Variants in PDSS2 observed in about 807,000 individuals in gnomAD.
PDSS2 encodes all trans-polyprenyl-diphosphate synthase PDSS2.
A neutral mutation model predicts 44.5 loss-of-function variants in PDSS2; 31 were observed. The observed-to-expected ratio is 0.70, with a 90% CI of 0.52 to 0.94. The LOEUF is 0.94. Among genes scored for constraint, PDSS2 ranks in the 40% least tolerant of loss-of-function variants. The pLI is 0.00. For synonymous variants in PDSS2, 157 were observed against 180.3 expected (o/e 0.87, Z 1.03); for missense variants, 452 against 482.2 (o/e 0.94, Z 0.59).
At position 107,252,799 on chromosome 6, in the gene PDSS2, G is replaced by A. The variant is rs140129946; in HGVS notation, c.631-7180C>T. On this transcript the variant is annotated intron_variant, in intron 3 of 7. Coordinates refer to ENST00000369037, the MANE Select transcript of PDSS2 (RefSeq NM_020381.4). ...GAATGAAAGTTCTATTTTTAAAATC[G>A]CAACTGATACAACTTGAAAGAAATA... 5.9e-5 allele frequency among the ~76,000 whole-genome samples: 9 copies of A among 152,152 alleles called. No individual in the cohort carries two copies. The East Asian group carries it at 1.4e-3, about 23-fold the overall frequency.
intron 1 of PDSS2, among the ~76,000 whole-genome samples, chr6:107,335,222 C>T (rs1777848448): frequency 2.0e-5 from 3 of 150,996 alleles, no homozygotes; most frequent in Non-Finnish European, 4.4e-5. Flanking sequence ...CATTTGCTCT[C>T]TCCTCTTTCT....
At chr6:107,304,360 A>AT (rs1776790042) in intron 2 of PDSS2, among the ~76,000 whole-genome samples, 2 of 152,214 alleles carry the variant, frequency 1.3e-5, no homozygotes. Context: ...ACTTTTTGTC[A>AT]TTTCTGCATA....
chr6:107,186,586 C>T (rs1258401032), intron 7 of PDSS2, among the ~76,000 whole-genome samples: 1 of 152,268 alleles, frequency 6.6e-6, no homozygotes, highest in Non-Finnish European at 1.5e-5. Context: ...TATTGACCCG[C>T]TCTCTAAGTT....
intron 1 of PDSS2, among the ~76,000 whole-genome samples, chr6:107,407,494 G>C (rs895486071): frequency 6.6e-6 from 1 of 152,140 alleles, no homozygotes; most frequent in Non-Finnish European, 1.5e-5. Context: ...CAGAGTTTTG[G>C]AGGTATGAGG....
At chr6:107,159,399 T>A (rs1180330867) in intron 7 of PDSS2, among the ~76,000 whole-genome samples, 5 of 146,102 alleles carry the variant, frequency 3.4e-5, no homozygotes, top group African/African-American at 1.3e-4. Context: ...GCAAGCAAGC[T>A]ACCCTATTTT....
In PDSS2 at chr6:107,428,792, A is replaced by T. The variant is rs183580607; in HGVS notation, c.296+30198T>A. On this transcript the variant is annotated intron_variant, in intron 1 of 7. Coordinates refer to ENST00000369037, the MANE Select transcript of PDSS2 (RefSeq NM_020381.4). ...TCTGAGGCTGTTGTGAGCTGTGACTACGCTACAGCACTCCAACCTGGGCAA... is the reference window on the plus strand; with the variant it reads ...TCTGAGGCTGTTGTGAGCTGTGACTTCGCTACAGCACTCCAACCTGGGCAA... Among the ~76,000 whole-genome samples, 333 of 152,232 alleles carry T rather than the reference A, an allele frequency of 2.2e-3. 2 individuals are homozygous for T. The highest frequency in any genetic ancestry group is 7.8e-3 in the African/African-American group (323 of 41,534).
chr6:107,230,104 C>A, intron 4 of PDSS2: 1 of 160,282 alleles, frequency 6.2e-6, no homozygotes, highest in South Asian at 1.6e-4. Context: ...TGAAGTCAGT[C>A]AGGGAGACTG....
chr6:107,228,058 A>G (rs1773895206), intron 4 of PDSS2, among the ~76,000 whole-genome samples: 1 of 152,184 alleles, frequency 6.6e-6, no homozygotes, highest in South Asian at 2.1e-4. Flanking sequence ...CATGCCTAAT[A>G]GTGATGTTTT....
chr6:107,384,112 C>T (rs1224955847), intron 1 of PDSS2, among the ~76,000 whole-genome samples: 1 of 152,054 alleles, frequency 6.6e-6, no homozygotes, highest in Admixed American at 6.6e-5. Context: ...ACAACATAGA[C>T]GAACCCTGAA....
At chr6:107,316,192 GTTATTCTTC>G in intron 2 of PDSS2, among the ~76,000 whole-genome samples, 1 of 152,140 alleles carries the variant, frequency 6.6e-6, no homozygotes, top group African/African-American at 2.4e-5. Flanking sequence ...ATTTCTGTTG[GTTATTCTTC>G]TTAATCTTTA....
Position 107,192,216 on chromosome 6 carries a change from A to G in PDSS2, c.1041+1606T>C, listed in dbSNP as rs1772405049. The G allele has an allele frequency of 6.7e-6, 2 of 300,598 alleles. 1 individual carries two copies. Among genetic ancestry groups the G allele is most frequent in the South Asian group, 6.4e-5 (2 of 31,488 alleles). The allele number at this position is 300,598 out of a possible 1,614,324, so 18.6% of individuals were successfully genotyped here. On this transcript the variant is annotated intron_variant, in intron 7 of 7. Coordinates refer to ENST00000369037, the MANE Select transcript of PDSS2 (RefSeq NM_020381.4). ...AGGCTCAAGTACACATCTAAGACCGAGTGGCAGATATGGAAGCCCTTGGTT... is the reference window on the plus strand; with the variant it reads ...AGGCTCAAGTACACATCTAAGACCGGGTGGCAGATATGGAAGCCCTTGGTT...
chr6:107,289,098 C>T (rs1323322594), intron 2 of PDSS2, among the ~76,000 whole-genome samples: 13 of 148,736 alleles, frequency 8.7e-5, no homozygotes, highest in African/African-American at 2.2e-4. Context: ...GGAGGCCGGG[C>T]GTGGTGGCTC....
chr6:107,403,505 C>A (rs1780212096), intron 1 of PDSS2, among the ~76,000 whole-genome samples: 1 of 152,234 alleles, frequency 6.6e-6, no homozygotes, highest in South Asian at 2.1e-4. Context: ...CCAGTGGGGA[C>A]TTTGGGTGGT....
intron 1 of PDSS2, among the ~76,000 whole-genome samples, chr6:107,436,447 T>G (rs916701909): frequency 2.0e-5 from 3 of 152,176 alleles, no homozygotes; most frequent in African/African-American, 7.2e-5. Flanking sequence ...CAGTTAGAAT[T>G]CTTCAGCCTT....
intron 2 of PDSS2, among the ~76,000 whole-genome samples, chr6:107,312,448 C>T (rs1777073139): frequency 1.3e-5 from 2 of 152,160 alleles, no homozygotes; most frequent in Non-Finnish European, 2.9e-5. Context: ...AGTTAAACTT[C>T]CTGAGTTCAA....
chr6:107,198,242 C>T (rs757484260), intron 6 of PDSS2, among the ~76,000 whole-genome samples: 3 of 152,166 alleles, frequency 2.0e-5, no homozygotes, highest in Non-Finnish European at 4.4e-5. Context: ...AGTAGGGACA[C>T]ATTGTTGGGG....
intron 4 of PDSS2, chr6:107,230,169 T>G (rs1160916792): frequency 6.6e-6 from 1 of 152,386 alleles, no homozygotes; most frequent in Non-Finnish European, 1.5e-5. Flanking sequence ...TGCAATGACT[T>G]TGTGGTGATC....
intron 1 of PDSS2, among the ~76,000 whole-genome samples, chr6:107,374,155 G>A (rs1779209759): frequency 6.6e-6 from 1 of 150,870 alleles, no homozygotes; most frequent in Non-Finnish European, 1.5e-5. Context: ...TCAGGAGGCT[G>A]AGGCAGGAGA....
intron 2 of PDSS2, among the ~76,000 whole-genome samples, chr6:107,295,042 C>T (rs1378715423): frequency 1.3e-5 from 2 of 152,188 alleles, no homozygotes; most frequent in South Asian, 2.1e-4. Flanking sequence ...AGCGATTCTC[C>T]TGCCCCAGCC....
Sources: allele counts gnomAD v4.1 joint callset (sites outside exome capture counted in the v4.1 genomes callset), GRCh38; gene constraint gnomAD v4.1.1; transcripts MANE v1.5; gene names NCBI Gene and HGNC (gene_info 2026-07-23, HGNC 2026-07-21).